Variants in NUBPL observed in about 807,000 individuals in gnomAD.
The protein encoded by NUBPL is iron-sulfur cluster transfer protein NUBPL.
NUBPL carries 31 observed loss-of-function variants against 45.7 expected under a neutral mutation model. The ratio of observed to expected loss-of-function variants is 0.68; its 90% CI spans 0.51 to 0.92. The LOEUF is 0.92. Among genes scored for constraint, NUBPL ranks in the 40% least tolerant of loss-of-function variants. The probability of loss-of-function intolerance (pLI) is 0.00; values close to 1 mark genes in which losing one functional copy is unlikely to be tolerated. For synonymous variants in NUBPL, 144 were observed against 140.9 expected (o/e 1.02, Z -0.15); for missense variants, 401 against 398.7 (o/e 1.01, Z -0.05).
chr14:31,857,331 T>A (rs950213535), intron 10 of NUBPL, among the ~76,000 whole-genome samples: 12 of 152,080 alleles, frequency 7.9e-5, no homozygotes, highest in African/African-American at 2.9e-4. Flanking sequence ...CCAGAAAAAT[T>A]ATATTTTCCT....
In NUBPL at chr14:31,846,453, AGT is replaced by A. The variant is rs769800194; in HGVS notation, c.694-13_694-12del. On this transcript the variant is annotated splice_polypyrimidine_tract_variant and intron_variant, in intron 8 of 10. Transcript: ENST00000281081. ...TTTGGTTTAATTTTATTTTGATTTCAGTGTGTTTTTATTCTAGGTCCTTGGCC... is the reference window on the plus strand; with the variant it reads ...TTTGGTTTAATTTTATTTTGATTTCAGTGTTTTTATTCTAGGTCCTTGGCC... 1.3e-6 allele frequency: 2 copies of A among 1,599,250 alleles called. No individual in the cohort carries two copies. Among genetic ancestry groups the A allele is most frequent in the South Asian group, 2.2e-5 (2 of 89,518 alleles).
chr14:31,816,199 C>A (rs1201499096), intron 7 of NUBPL, among the ~76,000 whole-genome samples: 4 of 152,142 alleles, frequency 2.6e-5, no homozygotes, highest in African/African-American at 9.7e-5. Flanking sequence ...TAACTACTGC[C>A]TCAGTTTCAG....
chr14:31,608,040 A>C (rs2034649443), intron 4 of NUBPL, among the ~76,000 whole-genome samples: 1 of 152,224 alleles, frequency 6.6e-6, no homozygotes, highest in African/African-American at 2.4e-5. Context: ...TACCTCTGGC[A>C]GCAGACTTTT....
intron 3 of NUBPL, among the ~76,000 whole-genome samples, chr14:31,574,230 C>A (rs1273403589): frequency 6.6e-6 from 1 of 151,646 alleles, no homozygotes; most frequent in African/African-American, 2.4e-5. Context: ...AGTAATATTG[C>A]AAAATAAATC....
At chr14:31,652,607 T>C (rs1241115995) in intron 4 of NUBPL, among the ~76,000 whole-genome samples, 1 of 152,232 alleles carries the variant, frequency 6.6e-6, no homozygotes, top group Non-Finnish European at 1.5e-5. Flanking sequence ...CTTTAAATGA[T>C]GGCATTTATA....
At chr14:31,717,522 A>G (rs2037716397) in intron 6 of NUBPL, among the ~76,000 whole-genome samples, 1 of 152,166 alleles carries the variant, frequency 6.6e-6, no homozygotes, top group Non-Finnish European at 1.5e-5. Context: ...ATTTTCCCCT[A>G]TCATAGCAAG....
chr14:31,782,781 G>A (rs12436518), intron 6 of NUBPL, among the ~76,000 whole-genome samples: 51,190 of 150,784 alleles, frequency 0.34, 9,757 homozygotes, highest in South Asian at 0.44. Flanking sequence ...GTGAGACTCC[G>A]TCTAAAAAAC....
intron 4 of NUBPL, among the ~76,000 whole-genome samples, chr14:31,633,889 T>C (rs143589338): frequency 1.3e-5 from 2 of 152,266 alleles, no homozygotes; most frequent in Non-Finnish European, 2.9e-5. Flanking sequence ...ATTTTCGATA[T>C]AATTGCCGTT....
intron 7 of NUBPL, among the ~76,000 whole-genome samples, chr14:31,798,488 G>A (rs1566567150): frequency 6.6e-6 from 1 of 151,580 alleles, no homozygotes; most frequent in East Asian, 1.9e-4. Context: ...TTGTAATACA[G>A]TAATTAGAAA....
chr14:31,594,379 C>G (rs2034228201), intron 3 of NUBPL, among the ~76,000 whole-genome samples: 1 of 152,206 alleles, frequency 6.6e-6, no homozygotes, highest in Non-Finnish European at 1.5e-5. Context: ...CCCTACTGCA[C>G]TCTAGCATGG....
At chr14:31,618,912 G>T (rs1566451791) in intron 4 of NUBPL, among the ~76,000 whole-genome samples, 1 of 152,152 alleles carries the variant, frequency 6.6e-6, no homozygotes, top group Non-Finnish European at 1.5e-5. Flanking sequence ...CTATTATTGT[G>T]TGGGAGTCCA....
chr14:31,818,741 G>A (rs577600531), intron 7 of NUBPL, among the ~76,000 whole-genome samples: 14 of 152,016 alleles, frequency 9.2e-5, no homozygotes, highest in Admixed American at 2.6e-4. Flanking sequence ...GTAGAAATGG[G>A]GTTTCACCGT....
chr14:31,730,578 C>T (rs1182942906), intron 6 of NUBPL, among the ~76,000 whole-genome samples: 1 of 151,928 alleles, frequency 6.6e-6, no homozygotes, highest in Non-Finnish European at 1.5e-5. Flanking sequence ...ATTCTCCTGC[C>T]TCAGTCTCCC....
At chr14:31,684,503 A>G (rs2036908171) in intron 6 of NUBPL, among the ~76,000 whole-genome samples, 1 of 152,080 alleles carries the variant, frequency 6.6e-6, no homozygotes, top group South Asian at 2.1e-4. Context: ...TTTGGGGACC[A>G]CTCTGGTGGT....
chr14:31,715,373 T>C (rs1187824227), intron 6 of NUBPL, among the ~76,000 whole-genome samples: 1 of 152,214 alleles, frequency 6.6e-6, no homozygotes, highest in Non-Finnish European at 1.5e-5. Flanking sequence ...CTTAACAACA[T>C]GGATATTTTC....
chr14:31,840,953 T>C (rs766107266), intron 8 of NUBPL, among the ~76,000 whole-genome samples: 1 of 152,258 alleles, frequency 6.6e-6, no homozygotes, highest in Non-Finnish European at 1.5e-5. Flanking sequence ...TATAGTGTTA[T>C]ACGTTTGTGT....
At chr14:31,822,875 T>A (rs182032217) in intron 7 of NUBPL, among the ~76,000 whole-genome samples, 4 of 152,268 alleles carry the variant, frequency 2.6e-5, no homozygotes, top group Non-Finnish European at 5.9e-5. Context: ...CCAAATGGCA[T>A]AGATGCTTAT....
intron 3 of NUBPL, 118 bp downstream of exon 3, chr14:31,565,166 G>A: frequency 1.7e-6 from 1 of 592,336 alleles, no homozygotes; most frequent in East Asian, 3.0e-5. Context: ...GTAGTGAGTT[G>A]CATATCTTTA....
chr14:31,649,001 G>T (rs1200483626), intron 4 of NUBPL, among the ~76,000 whole-genome samples: 1 of 152,082 alleles, frequency 6.6e-6, no homozygotes, highest in Non-Finnish European at 1.5e-5. Flanking sequence ...GTAGAGACGG[G>T]GTTTCACCAT....
Sources: gnomAD v4.1 joint callset for allele counts (sites outside exome capture counted in the v4.1 genomes callset) on GRCh38, gnomAD v4.1.1 for gene constraint, MANE v1.5 for transcripts, NCBI Gene and HGNC (gene_info 2026-07-23, HGNC 2026-07-21) for gene names.